The following ACTR3C variants were observed in gnomAD, a reference collection of about 807,000 sequenced individuals.
ACTR3C encodes the protein actin-related protein 3C.
Under a neutral mutation model 26.3 loss-of-function variants are expected in ACTR3C, and 18 were observed. The ratio of observed to expected loss-of-function variants is 0.68; its 90% CI spans 0.47 to 1.01. ACTR3C has a LOEUF of 1.01. Ranked by LOEUF, ACTR3C falls within the 50% of genes least tolerant of loss-of-function variation. The probability of loss-of-function intolerance (pLI) is 0.00; values close to 1 mark genes in which losing one functional copy is unlikely to be tolerated. For synonymous variants in ACTR3C, 55 were observed against 94.5 expected (o/e 0.58, Z 2.42); for missense variants, 184 against 250.7 (o/e 0.73, Z 1.80).
chr7:149,912,243 G>A, the ACTR3C span, among the ~76,000 whole-genome samples: 1 of 151,618 alleles, frequency 6.6e-6, no homozygotes, highest in Non-Finnish European at 1.5e-5. Context: ...TCATAACTAT[G>A]GCCCACAGCA....
the ACTR3C span, among the ~76,000 whole-genome samples, chr7:150,017,023 T>G: frequency 6.6e-6 from 1 of 152,074 alleles, no homozygotes; most frequent in African/African-American, 2.4e-5. Flanking sequence ...AGATCTTGGA[T>G]GCTGATTAAG....
At chr7:150,006,185 A>AATTAATTAATTAATTAATTTATTT in the ACTR3C span, among the ~76,000 whole-genome samples, 1 of 139,016 alleles carries the variant, frequency 7.2e-6, no homozygotes, top group Non-Finnish European at 1.6e-5. Flanking sequence ...AATTGCACAG[A>AATTAATTAATTAATTAATTTATTT]ATTTATTTAT....
chr7:150,307,889 A>G (rs1237949776), intron 1 of ACTR3C, among the ~76,000 whole-genome samples: 1 of 151,988 alleles, frequency 6.6e-6, no homozygotes, highest in African/African-American at 2.4e-5. Flanking sequence ...CTCTGTCGCT[A>G]TCCCTCAACC....
the ACTR3C span, among the ~76,000 whole-genome samples, chr7:150,106,618 T>A: frequency 7.2e-6 from 1 of 138,160 alleles, no homozygotes; most frequent in African/African-American, 3.0e-5. Context: ...GGAGTTAGAA[T>A]ATGTACCTAT....
At chr7:150,031,029 G>C in the ACTR3C span, among the ~76,000 whole-genome samples, 4 of 152,088 alleles carry the variant, frequency 2.6e-5, no homozygotes, top group Non-Finnish European at 4.4e-5. Flanking sequence ...GGCCAAGGCA[G>C]GCAGATCACC....
the ACTR3C span, among the ~76,000 whole-genome samples, chr7:149,918,550 T>C: frequency 6.6e-6 from 1 of 152,074 alleles, no homozygotes; most frequent in Non-Finnish European, 1.5e-5. Flanking sequence ...ACTAGTCAGG[T>C]GCGGTGGCGC....
At chr7:149,955,019 A>C in the ACTR3C span, among the ~76,000 whole-genome samples, 6 of 152,218 alleles carry the variant, frequency 3.9e-5, no homozygotes, top group Admixed American at 3.3e-4. Context: ...GGTATACACT[A>C]ATTTCTCTGG....
chr7:150,102,381 T>C, the ACTR3C span, among the ~76,000 whole-genome samples: 10 of 152,054 alleles, frequency 6.6e-5, no homozygotes, highest in Non-Finnish European at 1.3e-4. Context: ...GAATATTTGA[T>C]TGAATATTCA....
At chr7:149,895,292 TTAGA>T in the ACTR3C span, among the ~76,000 whole-genome samples, 18 of 151,972 alleles carry the variant, frequency 1.2e-4, no homozygotes, top group African/African-American at 3.1e-4. Context: ...GTAACTACAG[TTAGA>T]TAGGAGAAAT....
the ACTR3C span, among the ~76,000 whole-genome samples, chr7:149,913,684 G>T: frequency 1.3e-5 from 2 of 149,562 alleles, no homozygotes; most frequent in Non-Finnish European, 3.0e-5. Flanking sequence ...TCACCCGCAT[G>T]GTTCTGGCGG....
the ACTR3C span, among the ~76,000 whole-genome samples, chr7:150,102,266 C>A: frequency 2.0e-5 from 3 of 151,834 alleles, 1 homozygote; most frequent in Middle Eastern, 0.01. Context: ...TTTCTACAAC[C>A]TAAAGATAGG....
chr7:150,152,123 C>T, the ACTR3C span, among the ~76,000 whole-genome samples: 9 of 152,104 alleles, frequency 5.9e-5, no homozygotes, highest in South Asian at 1.0e-3. Context: ...TAATTGAATA[C>T]CCTTTATTTC....
the ACTR3C span, among the ~76,000 whole-genome samples, chr7:150,199,629 T>A: frequency 1.5e-3 from 128 of 85,742 alleles, no homozygotes; most frequent in South Asian, 7.4e-3. Flanking sequence ...AAAAAAAAAA[T>A]AAATAAAAAT....
At chr7:150,199,206 C>T in the ACTR3C span, among the ~76,000 whole-genome samples, 136 of 139,568 alleles carry the variant, frequency 9.7e-4, no homozygotes, top group Admixed American at 1.1e-3. Context: ...GGATGGTTGC[C>T]GTGTCTGTGT....
chr7:149,982,651 G>C, the ACTR3C span, among the ~76,000 whole-genome samples: 5 of 152,034 alleles, frequency 3.3e-5, no homozygotes, highest in South Asian at 2.1e-4. Flanking sequence ...TCTGATGTTT[G>C]CTGAGTGCCT....
At chr7:150,295,484 A>T (rs565662497) in intron 1 of ACTR3C, 137 bp from the exon 2 acceptor site, 2 of 1,009,940 alleles carry the variant, frequency 2.0e-6, no homozygotes, top group African/African-American at 3.3e-5. Flanking sequence ...GAGGATGCCC[A>T]AAGTGTATTA....
chr7:150,121,232 C>A, the ACTR3C span, among the ~76,000 whole-genome samples: 1 of 152,058 alleles, frequency 6.6e-6, no homozygotes, highest in Non-Finnish European at 1.5e-5. Context: ...CTTGCCAGGG[C>A]GATCAGGCAA....
At chr7:150,038,207 T>C in the ACTR3C span, among the ~76,000 whole-genome samples, 6 of 143,958 alleles carry the variant, frequency 4.2e-5, no homozygotes, top group African/African-American at 8.0e-5. Context: ...TTGCTTCTTG[T>C]ACTAGCAGGG....
At chr7:149,974,591 T>G in the ACTR3C span, among the ~76,000 whole-genome samples, 118 of 152,256 alleles carry the variant, frequency 7.8e-4, 1 homozygote, top group South Asian at 0.023. Flanking sequence ...AACATGCAAA[T>G]GCACAGGGGA....
Sources: gnomAD v4.1 joint callset for allele counts (sites outside exome capture counted in the v4.1 genomes callset) on GRCh38, gnomAD v4.1.1 for gene constraint, MANE v1.5 for transcripts, NCBI Gene and HGNC (gene_info 2026-07-23, HGNC 2026-07-21) for gene names.